ASPG: variants seen among roughly 807,000 people sequenced by gnomAD.
The protein encoded by ASPG is asparaginase, also known as 60 kDa lysophospholipase.
ASPG carries 53 observed loss-of-function variants against 63.2 expected under a neutral mutation model. The observed-to-expected ratio is 0.84, with a 90% CI of 0.67 to 1.05. The LOEUF (loss-of-function observed/expected upper bound fraction) is 1.05, where lower values mean the gene tolerates loss of function less well. Ranked by LOEUF, ASPG falls within the 50% of genes least tolerant of loss-of-function variation. The pLI, the probability that ASPG is intolerant of heterozygous loss-of-function variation, is 0.00. For missense variants in ASPG, 741 were observed against 794.4 expected, an observed-to-expected ratio of 0.93 and a Z score of 0.81; for synonymous variants, 370 against 355.0, an observed-to-expected ratio of 1.04 and a Z score of -0.48.
chr14:104,099,916 C>A (rs1366796356), intron 6 of ASPG, among the ~76,000 whole-genome samples: 1 of 152,234 alleles, frequency 6.6e-6, no homozygotes, highest in African/African-American at 2.4e-5. Flanking sequence ...GGCTGCCTGC[C>A]CAGGACCAAA....
At chr14:104,105,298 G>T in intron 9 of ASPG, 30 bp from the exon 10 acceptor site, 1 of 1,612,572 alleles carries the variant, frequency 6.2e-7, no homozygotes, top group Non-Finnish European at 8.5e-7. Context: ...AGCCCTGGCA[G>T]AGCCACTTCA....
intron 11 of ASPG, 123 bp downstream of exon 11, chr14:104,107,017 G>T: frequency 7.6e-7 from 1 of 1,307,256 alleles, no homozygotes; most frequent in South Asian, 1.5e-5. Context: ...CAGCCAGACT[G>T]GGCAGCAGGA....
In ASPG at chr14:104,109,704, G is replaced by T. The variant is rs143060260; in HGVS notation, c.1520+389G>T. Among the ~76,000 whole-genome samples, 1 of 150,446 alleles carries T rather than the reference G, an allele frequency of 6.6e-6. No homozygotes were observed. On this transcript the variant is annotated intron_variant, in intron 13 of 15. Coordinates refer to ENST00000551177, the MANE Select transcript of ASPG (RefSeq NM_001080464.3). The surrounding 1 kb of genome is among the most constrained non-coding windows in gnomAD (Gnocchi z 4.8). ...GGTGGCTGGGGCTGCATTTGGGGAG[G>T]TTGGGGCAGGTGGGGCACAGAGGAG...
rs775366527 is a variant in ASPG, at chr14:104,109,304, G to A, written c.1509G>A (p.Thr503=). ...CCCAGGAGCTGGAGGAAGCAGGGAC[G>A]GAGCTGTGCAGGTGAGTGCAGCTAG... is the stretch of plus-strand genomic sequence containing the variant. ...LSTQELEEAG[T]ELCRLAYRAD... The change falls in exon 13 of 16, where the codon ACG becomes ACA. Residue 503 remains threonine, a synonymous_variant. Transcript: ENST00000551177. This position sits in a 1 kb window ranked among gnomAD's most constrained non-coding sequence, Gnocchi z 4.8. 51 of 1,611,190 alleles carry A rather than the reference G, an allele frequency of 3.2e-5. No homozygotes were observed. Among genetic ancestry groups the A allele is most frequent in the Middle Eastern group, 1.7e-4 (1 of 6,052 alleles).
rs1463544617 is a variant in ASPG at position 104,112,580 on chromosome 14, T to G, written c.*36T>G. On this transcript the variant is annotated 3_prime_UTR_variant, in exon 16 of 16. Transcript: ENST00000551177. ...TCCTGCTGCAGTATAAGCCATTCCT[T>G]CCTCCCATGACCTGCTGGAGGGGTC... The G allele has an allele frequency of 4.4e-6, 7 of 1,607,162 alleles. No homozygotes were observed. The highest frequency in any genetic ancestry group is 1.3e-5 in the African/African-American group (1 of 74,858).
chr14:104,099,043 C>T, intron 6 of ASPG, 64 bp downstream of exon 6: 2 of 1,522,862 alleles, frequency 1.3e-6, no homozygotes, highest in South Asian at 2.4e-5. Flanking sequence ...GGGGCTGCTG[C>T]AGGGAGCTCG....
intron 7 of ASPG, 57 bp from the exon 8 acceptor site, chr14:104,104,247 C>T: frequency 6.5e-7 from 1 of 1,549,246 alleles, no homozygotes; most frequent in Non-Finnish European, 8.8e-7. Flanking sequence ...GGGCGAGTCT[C>T]AGTGGTGCTG....
At chr14:104,097,247 A>G (rs966112718) in intron 4 of ASPG, among the ~76,000 whole-genome samples, 2 of 151,968 alleles carry the variant, frequency 1.3e-5, no homozygotes, top group Non-Finnish European at 2.9e-5. Context: ...GCAGGCTGGC[A>G]TGGTCTGCAG....
intron 10 of ASPG, among the ~76,000 whole-genome samples, chr14:104,106,353 G>A (rs1040871705): frequency 2.0e-5 from 3 of 152,198 alleles, no homozygotes; most frequent in African/African-American, 7.2e-5. Context: ...CCTGGTGCCC[G>A]GTGCTGGGGG....
chr14:104,115,545 CTCTG>C lies in ASPG; in HGVS notation c.*3005_*3008del, dbSNP rs1283208100. Reference sequence around the variant, plus strand: ...TTTGAGAACAGCCAACATGGCGAAACTCTGTCTCTTAAAAAATAAATAAAAACAT... The same window carrying C: ...TTTGAGAACAGCCAACATGGCGAAACTCTCTTAAAAAATAAATAAAAACAT... On this transcript the variant is annotated 3_prime_UTR_variant, in exon 16 of 16. Coordinates refer to ENST00000551177, the MANE Select transcript of ASPG (RefSeq NM_001080464.3). 6.6e-6 allele frequency: 1 copy of C among 152,088 alleles called. No individual in the cohort carries two copies. Among genetic ancestry groups the C allele is most frequent in the East Asian group, 1.9e-4 (1 of 5,190 alleles). 9.4% of individuals were successfully genotyped at this position (152,088 alleles called of 1,614,324 possible). A position where few individuals can be genotyped will look rare whatever the true frequency, so the allele number is the denominator to read the frequency against.
intron 5 of ASPG, among the ~76,000 whole-genome samples, chr14:104,097,957 CGTATGGAGGTTCTG>C (rs2036683321): frequency 7.5e-6 from 1 of 132,642 alleles, no homozygotes; most frequent in African/African-American, 2.9e-5. Context: ...GTTAGAGATG[CGTATGGAGGTTCTG>C]CGTTAGAGAT....
At chr14:104,102,467 G>C (rs1229300215) in intron 6 of ASPG, among the ~76,000 whole-genome samples, 1 of 152,118 alleles carries the variant, frequency 6.6e-6, no homozygotes, top group East Asian at 1.9e-4. Flanking sequence ...GCACCGTGCC[G>C]GGCTCTCCAG....
In ASPG at chr14:104,095,638, C is replaced by T; in HGVS notation, c.411C>T (p.Val137=). 1 of 1,612,866 alleles carries T rather than the reference C, an allele frequency of 6.2e-7. No homozygotes were observed. The highest frequency in any genetic ancestry group is 8.5e-7 in the Non-Finnish European group (1 of 1,179,764). Residue 137 remains valine, a synonymous_variant, in exon 4 of 16, where the codon GTC becomes GTT. Transcript: ENST00000551177. ...SFMLENLQKT[V]ILTGAQVPIH... Reference sequence around the variant, plus strand: ...TGCTGGAGAACCTGCAGAAGACTGTCATCCTCACTGGGGCCCAGGTAATCC... The same window carrying T: ...TGCTGGAGAACCTGCAGAAGACTGTTATCCTCACTGGGGCCCAGGTAATCC...
chr14:104,097,547 C>T lies in ASPG; in HGVS notation c.430-7C>T, dbSNP rs769369985. 3.2e-6 allele frequency: 5 copies of T among 1,550,754 alleles called. No homozygotes were observed. Among genetic ancestry groups the T allele is most frequent in the South Asian group, 1.2e-5 (1 of 84,030 alleles). ...AGGCCTCAGCTACTCCGTGGCCTCT[C>T]CCCCAGGTGCCCATCCATGCCCTGT... On this transcript the variant is annotated splice_region_variant and splice_polypyrimidine_tract_variant and intron_variant, in intron 4 of 15. Transcript: ENST00000551177.
chr14:104,095,675 G>T lies in ASPG; in HGVS notation c.429+19G>T, dbSNP rs774333572. 3.1e-6 allele frequency: 5 copies of T among 1,611,820 alleles called. No individual in the cohort carries two copies. The highest frequency in any genetic ancestry group is 4.2e-6 in the Non-Finnish European group (5 of 1,179,576). The stretch of plus-strand genomic sequence containing the variant: ...GGCCCAGGTAATCCCAGGGGCCCGG[G>T]GCTCCTAGGAACAGGGGCTTCCTGA... On this transcript the variant is annotated intron_variant, in intron 4 of 15. Transcript: ENST00000551177.
At position 104,085,786 on chromosome 14, in the gene ASPG, G is replaced by GAC; in HGVS notation, c.16_17insAC (p.Gly6AspfsTer35). Reference sequence around the variant, plus strand: ...CCGGTCCGGCATGGCGCGCGCGGTGGGGCCCGAGCGGAGGCTGCTGGCCGT... The same window carrying GAC: ...CCGGTCCGGCATGGCGCGCGCGGTGGACGGCCCGAGCGGAGGCTGCTGGCCGT... On this transcript the variant is annotated frameshift_variant, in exon 1 of 16. Coordinates refer to ENST00000551177, the MANE Select transcript of ASPG (RefSeq NM_001080464.3). LOFTEE classifies it high-confidence loss of function. The GAC allele has an allele frequency of 8.8e-6, 14 of 1,585,502 alleles. No individual in the cohort carries two copies. The highest frequency in any genetic ancestry group is 1.1e-5 in the Non-Finnish European group (13 of 1,172,744).
At position 104,109,019 on chromosome 14, in the gene ASPG, A is replaced by G. The variant is rs1193622157; in HGVS notation, c.1434-210A>G. The stretch of plus-strand genomic sequence containing the variant: ...GCTGCCCTAAGAAGGAGTACTGGAC[A>G]AATGGAGGTGGTGGGATCCCGGGAT... On this transcript the variant is annotated intron_variant, in intron 12 of 15. Transcript: ENST00000551177. This position sits in a 1 kb window ranked among gnomAD's most constrained non-coding sequence, Gnocchi z 4.8. 1.0e-6 allele frequency: 1 copy of G among 985,258 alleles called. No individual in the cohort carries two copies. The highest frequency in any genetic ancestry group is 1.7e-5 in the African/African-American group (1 of 57,216). 61.0% of individuals were successfully genotyped at this position (985,258 alleles called of 1,614,324 possible). A position where few individuals can be genotyped will look rare whatever the true frequency, so the allele number is the denominator to read the frequency against.
chr14:104,108,374 C>G (rs1335449406), intron 12 of ASPG: 4 of 980,596 alleles, frequency 4.1e-6, no homozygotes, highest in Non-Finnish European at 4.8e-6. Flanking sequence ...CAGTCCCGCC[C>G]CCTCGTCTCC....
In ASPG at chr14:104,110,714, AG is replaced by A; in HGVS notation, c.1521-787del. The A allele has an allele frequency of 1.0e-6, 1 of 985,320 alleles. No homozygotes were observed. The highest frequency in any genetic ancestry group is 1.2e-6 in the Non-Finnish European group (1 of 829,858). The allele number at this position is 985,320 out of a possible 1,614,324, so 61.0% of individuals were successfully genotyped here. On this transcript the variant is annotated intron_variant, in intron 13 of 15. Transcript: ENST00000551177. The surrounding 1 kb of genome is among the most constrained non-coding windows in gnomAD (Gnocchi z 4.7). The stretch of plus-strand genomic sequence containing the variant: ...GGCGCAGAGTCCCTAAGGGCCCTCC[AG>A]AGGAGGGGGCAGCCCCTTCCTCACC...
Sources: allele counts gnomAD v4.1 joint callset (sites outside exome capture counted in the v4.1 genomes callset), GRCh38; gene constraint gnomAD v4.1.1; non-coding constraint Gnocchi (gnomAD v3.1); transcripts MANE v1.5; gene names NCBI Gene and HGNC (gene_info 2026-07-23, HGNC 2026-07-21).